The following FBXL17 variants were observed in gnomAD, a reference collection of about 807,000 sequenced individuals.
FBXL17 encodes F-box/LRR-repeat protein 17.
Under a neutral mutation model 66.2 loss-of-function variants are expected in FBXL17, and 22 were observed. That is an observed-to-expected ratio of 0.33 (90% CI 0.24 to 0.47). The LOEUF (loss-of-function observed/expected upper bound fraction) is 0.47. Among genes scored for constraint, FBXL17 ranks in the 20% least tolerant of loss-of-function variants. FBXL17 has a pLI of 1.00. For missense variants in FBXL17, 878 were observed against 948.2 expected, an observed-to-expected ratio of 0.93 and a Z score of 0.97; for synonymous variants, 474 against 400.5, an observed-to-expected ratio of 1.18 and a Z score of -2.19.
chr5:108,073,741 A>C (rs286795), intron 6 of FBXL17, among the ~76,000 whole-genome samples: 7,127 of 152,114 alleles, frequency 0.047, 574 homozygotes, highest in African/African-American at 0.16. Flanking sequence ...AGTTCACACA[A>C]GATCTATTGT....
At chr5:108,031,741 G>A (rs2112785674) in intron 6 of FBXL17, among the ~76,000 whole-genome samples, 1 of 152,206 alleles carries the variant, frequency 6.6e-6, no homozygotes, top group South Asian at 2.1e-4. Context: ...ATAAAACAGA[G>A]ATGATACTTC....
At chr5:108,081,869 C>T (rs748160044) in intron 6 of FBXL17, among the ~76,000 whole-genome samples, 58 of 152,272 alleles carry the variant, frequency 3.8e-4, no homozygotes, top group Admixed American at 6.5e-4. Flanking sequence ...GCTTCCCTCC[C>T]GCTTCTACTC....
chr5:108,031,616 G>A (rs1746645179), intron 6 of FBXL17, among the ~76,000 whole-genome samples: 1 of 152,132 alleles, frequency 6.6e-6, no homozygotes, highest in Admixed American at 6.6e-5. Flanking sequence ...TTTAGAAAAT[G>A]TCCTCCCACT....
At chr5:108,025,924 A>AC (rs1554058214) in intron 6 of FBXL17, among the ~76,000 whole-genome samples, 2 of 151,994 alleles carry the variant, frequency 1.3e-5, no homozygotes, top group African/African-American at 2.4e-5. Context: ...AGAAAGAATA[A>AC]TGATATCTGA....
chr5:108,315,057 A>AT (rs1486579840), intron 4 of FBXL17, among the ~76,000 whole-genome samples: 1 of 151,150 alleles, frequency 6.6e-6, no homozygotes, highest in African/African-American at 2.4e-5. Flanking sequence ...AGAATGATAG[A>AT]TTAATCATTT....
intron 7 of FBXL17, among the ~76,000 whole-genome samples, chr5:107,953,283 G>A (rs935544759): frequency 6.6e-6 from 1 of 151,468 alleles, no homozygotes; most frequent in Non-Finnish European, 1.5e-5. Context: ...GGGCGCCTTA[G>A]TCCCAGCTAC....
intron 4 of FBXL17, among the ~76,000 whole-genome samples, chr5:108,278,595 C>T (rs1757576844): frequency 6.6e-6 from 1 of 152,202 alleles, no homozygotes; most frequent in Non-Finnish European, 1.5e-5. Flanking sequence ...GACTGAGTTG[C>T]AGGCCAGGCA....
chr5:108,138,482 G>A (rs1392814757), intron 6 of FBXL17, among the ~76,000 whole-genome samples: 1 of 152,012 alleles, frequency 6.6e-6, no homozygotes, highest in Non-Finnish European at 1.5e-5. Flanking sequence ...TAGTACAATT[G>A]GGCCTGATAT....
At chr5:108,185,528 A>G (rs1267879761) in intron 6 of FBXL17, among the ~76,000 whole-genome samples, 3 of 152,154 alleles carry the variant, frequency 2.0e-5, no homozygotes, top group Non-Finnish European at 4.4e-5. Context: ...TTGTCTTTAT[A>G]AATTACCCAG....
At chr5:108,080,803 G>GA (rs1460597298) in intron 6 of FBXL17, among the ~76,000 whole-genome samples, 1 of 152,154 alleles carries the variant, frequency 6.6e-6, no homozygotes, top group Non-Finnish European at 1.5e-5. Context: ...GAGTATCTGA[G>GA]TTAAGATAAG....
intron 6 of FBXL17, among the ~76,000 whole-genome samples, chr5:108,102,150 C>G (rs375471465): frequency 3.9e-5 from 6 of 152,032 alleles, no homozygotes; most frequent in African/African-American, 1.4e-4. Context: ...GTTTCTGTCT[C>G]CAAAGAGAGA....
chr5:108,014,973 G>A (rs1207526398), intron 7 of FBXL17, among the ~76,000 whole-genome samples: 4 of 152,104 alleles, frequency 2.6e-5, no homozygotes, highest in Admixed American at 1.3e-4. Flanking sequence ...CAACAGTATA[G>A]GGGAAACTGC....
intron 7 of FBXL17, among the ~76,000 whole-genome samples, chr5:108,009,194 CATATATATATATATAT>C (rs373679985): frequency 1.8e-4 from 10 of 54,160 alleles, no homozygotes; most frequent in Admixed American, 3.2e-4. Context: ...ATTTGAAAAG[CATATATATATATATAT>C]ATATATATAT....
intron 7 of FBXL17, among the ~76,000 whole-genome samples, chr5:107,910,783 G>T (rs779083303): frequency 2.6e-5 from 4 of 151,970 alleles, no homozygotes; most frequent in Non-Finnish European, 5.9e-5. Flanking sequence ...TTAGAGAAAA[G>T]ATTCCACTGA....
intron 4 of FBXL17, among the ~76,000 whole-genome samples, chr5:108,301,148 CAG>C (rs966654271): frequency 6.6e-5 from 10 of 151,824 alleles, no homozygotes; most frequent in Non-Finnish European, 1.0e-4. Flanking sequence ...CAAAAACACT[CAG>C]AGATCTCTGA....
At position 108,232,792 on chromosome 5, in the gene FBXL17, T is replaced by TATATATATATATTA. The variant is rs1554077845; in HGVS notation, c.1507-8565_1507-8564insTAATATATATATAT. Among the ~76,000 whole-genome samples the TATATATATATATTA allele has an allele frequency of 4.6e-5, 5 of 109,536 alleles. 1 individual carries two copies. Among genetic ancestry groups the TATATATATATATTA allele is most frequent in the African/African-American group, 6.5e-5 (2 of 31,000 alleles). The allele number at this position is 109,536 out of a possible 152,430, so 71.9% of individuals were successfully genotyped here. On this transcript the variant is annotated intron_variant, in intron 4 of 8. Coordinates refer to ENST00000542267, the MANE Select transcript of FBXL17 (RefSeq NM_001163315.3). ...CTGAATAAGCTCTCACATATATATATATATATATATATAATATATACTATT... is the reference window on the plus strand; with the variant it reads ...CTGAATAAGCTCTCACATATATATATATATATATATATTAATATATATATATAATATATACTATT...
chr5:107,865,958 G>A lies in FBXL17; in HGVS notation c.1966-4098C>T, dbSNP rs1043990830. ...AGCAGAGCCCAAATCCTTTTACATC[G>A]TTATGCCTACATGCACATTCCTGCA... On this transcript the variant is annotated intron_variant, in intron 8 of 8. Transcript: ENST00000542267. 2.6e-5 allele frequency among the ~76,000 whole-genome samples: 4 copies of A among 152,188 alleles called. 1 individual carries two copies. Among genetic ancestry groups the A allele is most frequent in the East Asian group, 3.9e-4 (2 of 5,188 alleles).
intron 7 of FBXL17, among the ~76,000 whole-genome samples, chr5:107,954,440 ACAGTCAG>A (rs1312747703): frequency 6.6e-6 from 1 of 152,250 alleles, no homozygotes; most frequent in Non-Finnish European, 1.5e-5. Context: ...GCAGTGAACC[ACAGTCAG>A]TGGGCCTGTA....
intron 6 of FBXL17, among the ~76,000 whole-genome samples, chr5:108,070,846 A>G (rs1273437289): frequency 1.3e-5 from 2 of 152,192 alleles, no homozygotes; most frequent in African/African-American, 4.8e-5. Context: ...ACCCACTACC[A>G]TGTAACTACC....
Sources: allele counts gnomAD v4.1 joint callset (sites outside exome capture counted in the v4.1 genomes callset), GRCh38; gene constraint gnomAD v4.1.1; transcripts MANE v1.5; gene names NCBI Gene and HGNC (gene_info 2026-07-23, HGNC 2026-07-21).